Variants in DNAJB6 observed in about 807,000 individuals in gnomAD.
DNAJB6 encodes the protein dnaJ homolog subfamily B member 6.
DNAJB6 carries 16 observed loss-of-function variants against 42.7 expected under a neutral mutation model. The observed-to-expected ratio is 0.37, with a 90% CI of 0.25 to 0.57. DNAJB6 has a LOEUF of 0.57. DNAJB6 is among the 20% of genes least tolerant of loss of function. DNAJB6 has a pLI of 0.74. For missense variants in DNAJB6, 347 were observed against 416.8 expected, an observed-to-expected ratio of 0.83 and a Z score of 1.46; for synonymous variants, 170 against 163.5, an observed-to-expected ratio of 1.04 and a Z score of -0.30.
chr7:157,387,904 G>C (rs1254415478), intron 8 of DNAJB6, among the ~76,000 whole-genome samples: 3 of 152,104 alleles, frequency 2.0e-5, no homozygotes, highest in Non-Finnish European at 4.4e-5. Context: ...GGAGTGCAGT[G>C]GTGTGATCTT....
rs575223171 is a variant in DNAJB6, at chr7:157,410,278, G to A, written c.898+277G>A. On this transcript the variant is annotated intron_variant, in intron 9 of 9. Coordinates refer to ENST00000262177, the MANE Select transcript of DNAJB6 (RefSeq NM_058246.4). ...AAAGGATGACAGAGCTGCCACGGCA[G>A]TGCGAGGTGCTGCTTTTACCGTAGA... The A allele has an allele frequency of 5.8e-5, 37 of 638,942 alleles. No individual in the cohort carries two copies. The African/African-American group carries it at 6.7e-4, about 12-fold the overall frequency. 39.6% of individuals were successfully genotyped at this position (638,942 alleles called of 1,614,324 possible).
intron 8 of DNAJB6, among the ~76,000 whole-genome samples, chr7:157,389,370 T>C (rs1259060757): frequency 6.6e-6 from 1 of 152,250 alleles, no homozygotes; most frequent in Non-Finnish European, 1.5e-5. Flanking sequence ...TGTTGAAATT[T>C]AGCCATTAGC....
intron 8 of DNAJB6, among the ~76,000 whole-genome samples, chr7:157,397,435 G>A (rs1801644911): frequency 6.6e-6 from 1 of 152,236 alleles, no homozygotes; most frequent in Non-Finnish European, 1.5e-5. Context: ...GCTCTGACAT[G>A]AGTGGGGATG....
At chr7:157,395,100 G>T (rs901269395) in intron 8 of DNAJB6, among the ~76,000 whole-genome samples, 105 of 127,594 alleles carry the variant, frequency 8.2e-4, no homozygotes, top group Middle Eastern at 3.7e-3. Flanking sequence ...TGCCCGCCGC[G>T]CCCCCCCACC....
intron 8 of DNAJB6, among the ~76,000 whole-genome samples, chr7:157,389,945 C>G (rs1215249815): frequency 1.3e-5 from 2 of 152,326 alleles, no homozygotes; most frequent in South Asian, 4.1e-4. Flanking sequence ...CAGGGCAGAC[C>G]CCTGACTGCG....
chr7:157,337,638 C>G (rs998940126), intron 1 of DNAJB6: 2 of 152,240 alleles, frequency 1.3e-5, no homozygotes, highest in Non-Finnish European at 2.9e-5. Context: ...GGTGGGGGAC[C>G]GCAAAGCCCT....
intron 2 of DNAJB6, among the ~76,000 whole-genome samples, chr7:157,362,674 C>A (rs1402694444): frequency 6.6e-6 from 1 of 152,152 alleles, no homozygotes; most frequent in Non-Finnish European, 1.5e-5. Flanking sequence ...GGCCTTTCTC[C>A]TTTACTTCAC....
intron 1 of DNAJB6, among the ~76,000 whole-genome samples, chr7:157,345,488 TTA>T (rs1554451619): frequency 6.6e-6 from 1 of 151,968 alleles, no homozygotes. Context: ...CTAATTTTTT[TTA>T]TCTTTTTGTA....
intron 8 of DNAJB6, chr7:157,386,203 T>C (rs1034400683): frequency 7.2e-6 from 7 of 972,958 alleles, no homozygotes; most frequent in Non-Finnish European, 8.5e-6. Context: ...AAATATGTAA[T>C]GTTAAGCTTA....
In DNAJB6 at chr7:157,382,239, A is replaced by G. The variant is rs755794590; in HGVS notation, c.347-7A>G. On this transcript the variant is annotated splice_polypyrimidine_tract_variant and splice_region_variant and intron_variant, in intron 5 of 9. Coordinates refer to ENST00000262177, the MANE Select transcript of DNAJB6 (RefSeq NM_058246.4). The stretch of plus-strand genomic sequence containing the variant: ...ACTTCATAGTGTGTGTTTATGTTTG[A>G]TTTTAGAAGACCCTTTTGAGGACTT... 1 of 1,587,572 alleles carries G rather than the reference A, an allele frequency of 6.3e-7. No homozygotes were observed. The highest frequency in any genetic ancestry group is 8.5e-7 in the Non-Finnish European group (1 of 1,172,952).
At chr7:157,391,378 C>T (rs971983627) in intron 8 of DNAJB6, among the ~76,000 whole-genome samples, 1 of 152,248 alleles carries the variant, frequency 6.6e-6, no homozygotes, top group Non-Finnish European at 1.5e-5. Flanking sequence ...AGCTGCAGAA[C>T]TTGAACGAGA....
chr7:157,344,641 G>C (rs890986727), intron 1 of DNAJB6, among the ~76,000 whole-genome samples: 1 of 151,894 alleles, frequency 6.6e-6, no homozygotes, highest in African/African-American at 2.4e-5. Flanking sequence ...TTGTGACAGG[G>C]TCTTGCTCCG....
chr7:157,400,637 C>A lies in DNAJB6; in HGVS notation c.692-9158C>A, dbSNP rs189500051. Among the ~76,000 whole-genome samples, 7 of 152,342 alleles carry A rather than the reference C, an allele frequency of 4.6e-5. No homozygotes were observed. The East Asian group carries it at 9.6e-4, about 21-fold the overall frequency. Reference sequence around the variant, plus strand: ...GCCGCTGGTGGTCTATGTCTCATCACCAGGCTCACCGCCGGGGCTCTTGCG... The same window carrying A: ...GCCGCTGGTGGTCTATGTCTCATCAACAGGCTCACCGCCGGGGCTCTTGCG... On this transcript the variant is annotated intron_variant, in intron 8 of 9. Coordinates refer to ENST00000262177, the MANE Select transcript of DNAJB6 (RefSeq NM_058246.4).
At chr7:157,367,795 G>T (rs982338727) in intron 5 of DNAJB6, among the ~76,000 whole-genome samples, 1 of 152,026 alleles carries the variant, frequency 6.6e-6, no homozygotes, top group African/African-American at 2.4e-5. Flanking sequence ...GGAGGCAGAG[G>T]TTGCGGTGAA....
chr7:157,353,052 G>A (rs551148558), intron 1 of DNAJB6, among the ~76,000 whole-genome samples: 9 of 151,678 alleles, frequency 5.9e-5, no homozygotes, highest in Non-Finnish European at 8.8e-5. Flanking sequence ...CCACATTCTC[G>A]TTAAGGTCAG....
chr7:157,363,403 C>T, intron 3 of DNAJB6, 133 bp downstream of exon 3: 1 of 569,558 alleles, frequency 1.8e-6, no homozygotes, highest in Non-Finnish European at 3.2e-6. Context: ...ATTTTGGGCC[C>T]TTCTAAGAGA....
intron 1 of DNAJB6, among the ~76,000 whole-genome samples, chr7:157,355,420 A>G (rs945688285): frequency 6.6e-6 from 1 of 152,136 alleles, no homozygotes; most frequent in Admixed American, 6.5e-5. Flanking sequence ...TCGGCCTCCC[A>G]AAGTGGTGGG....
intron 3 of DNAJB6, 141 bp from the exon 4 acceptor site, chr7:157,366,361 T>C: frequency 1.4e-6 from 1 of 707,462 alleles, no homozygotes; most frequent in Non-Finnish European, 2.4e-6. Context: ...CTTTGTTTTG[T>C]TTTAAAGAAA....
At chr7:157,383,611 T>TGTGTGTGTGTGTG (rs1800898403) in intron 6 of DNAJB6, among the ~76,000 whole-genome samples, 3 of 149,570 alleles carry the variant, frequency 2.0e-5, no homozygotes, top group African/African-American at 7.4e-5. Context: ...GTATGTGTGT[T>TGTGTGTGTGTGTG]TGTGTGTGTG....
Sources: allele counts gnomAD v4.1 joint callset (sites outside exome capture counted in the v4.1 genomes callset), GRCh38; gene constraint gnomAD v4.1.1; transcripts MANE v1.5; gene names NCBI Gene and HGNC (gene_info 2026-07-23, HGNC 2026-07-21).